Variants in SORCS2 observed in about 807,000 individuals in gnomAD.
The protein encoded by SORCS2 is VPS10 domain-containing receptor SorCS2.
SORCS2 carries 100 observed loss-of-function variants against 141.6 expected under a neutral mutation model. The ratio of observed to expected loss-of-function variants is 0.71; its 90% CI spans 0.60 to 0.83. SORCS2 has a LOEUF of 0.83. SORCS2 is among the 40% of genes least tolerant of loss of function. The pLI, the probability that SORCS2 is intolerant of heterozygous loss-of-function variation, is 0.00. For missense variants in SORCS2, 1,646 were observed against 1,560.2 expected, an observed-to-expected ratio of 1.05 and a Z score of -0.93; for synonymous variants, 789 against 676.9, an observed-to-expected ratio of 1.17 and a Z score of -2.57.
chr4:7,314,896 A>C (rs928885282), intron 1 of SORCS2, among the ~76,000 whole-genome samples: 1 of 147,742 alleles, frequency 6.8e-6, no homozygotes, highest in Non-Finnish European at 1.5e-5. Flanking sequence ...CAGTGGTGCA[A>C]TCTTGACTCA....
At chr4:7,719,126 G>A (rs1726402730) in intron 18 of SORCS2, among the ~76,000 whole-genome samples, 2 of 152,264 alleles carry the variant, frequency 1.3e-5, no homozygotes, top group Non-Finnish European at 1.5e-5. Context: ...CCGGTGAACA[G>A]TACGGGAGAT....
intron 9 of SORCS2, among the ~76,000 whole-genome samples, chr4:7,676,647 C>T (rs1236951731): frequency 6.6e-6 from 1 of 151,786 alleles, no homozygotes; most frequent in African/African-American, 2.4e-5. Flanking sequence ...CTCCCTCTCT[C>T]CCTCTCTCTC....
intron 3 of SORCS2, among the ~76,000 whole-genome samples, chr4:7,553,278 A>G (rs1713854519): frequency 6.6e-6 from 1 of 152,148 alleles, no homozygotes; most frequent in Non-Finnish European, 1.5e-5. Context: ...GCCAATCCTC[A>G]TATTCTGATT....
chr4:7,703,792 C>T (rs541629027), intron 13 of SORCS2, among the ~76,000 whole-genome samples: 33 of 152,308 alleles, frequency 2.2e-4, no homozygotes, highest in Non-Finnish European at 4.0e-4. Context: ...AAGGCACAGC[C>T]GGAGCAGCTG....
At chr4:7,435,041 C>T (rs985951232) in intron 2 of SORCS2, 22 of 829,546 alleles carry the variant, frequency 2.7e-5, no homozygotes, top group African/African-American at 2.6e-4. Context: ...CTGGCCTCTT[C>T]GCCTTTGCTC....
At chr4:7,715,123 C>T (rs972294383) in intron 16 of SORCS2, 60 bp from the exon 17 acceptor site, 1 of 1,598,364 alleles carries the variant, frequency 6.3e-7, no homozygotes, top group East Asian at 2.2e-5. Flanking sequence ...CACCCCAACC[C>T]TGGGTGACTC....
chr4:7,711,163 G>A (rs574254856), intron 14 of SORCS2, among the ~76,000 whole-genome samples: 4 of 152,166 alleles, frequency 2.6e-5, no homozygotes, highest in Non-Finnish European at 5.9e-5. Context: ...AGACAATAGT[G>A]TCTGCCTCTT....
At chr4:7,713,483 G>A (rs956879699) in intron 15 of SORCS2, among the ~76,000 whole-genome samples, 1 of 152,144 alleles carries the variant, frequency 6.6e-6, no homozygotes, top group South Asian at 2.1e-4. Context: ...AGACCATCAC[G>A]GTGGGTACAG....
At chr4:7,222,658 G>T (rs562874466) in intron 1 of SORCS2, among the ~76,000 whole-genome samples, 5 of 152,320 alleles carry the variant, frequency 3.3e-5, no homozygotes, top group African/African-American at 2.4e-5. Flanking sequence ...TGCGGCCGGG[G>T]CAGAGGGCTG....
chr4:7,536,313 G>A (rs752842292), intron 3 of SORCS2, among the ~76,000 whole-genome samples: 33 of 152,192 alleles, frequency 2.2e-4, no homozygotes, highest in Non-Finnish European at 4.1e-4. Context: ...CTAGAATCAA[G>A]CCCGGCACAC....
intron 1 of SORCS2, among the ~76,000 whole-genome samples, chr4:7,394,152 T>C (rs114533764): frequency 0.016 from 2,471 of 152,260 alleles, 66 homozygotes; most frequent in African/African-American, 0.057. Flanking sequence ...GGGGGTCCTC[T>C]TGATGGAAGG....
At chr4:7,295,290 C>T (rs1716970780) in intron 1 of SORCS2, among the ~76,000 whole-genome samples, 1 of 148,182 alleles carries the variant, frequency 6.7e-6, no homozygotes, top group South Asian at 2.2e-4. Flanking sequence ...TGCACAGCAG[C>T]CCCTCTGAGC....
chr4:7,738,211 T>C (rs1712355444), intron 26 of SORCS2, among the ~76,000 whole-genome samples: 1 of 152,212 alleles, frequency 6.6e-6, no homozygotes, highest in African/African-American at 2.4e-5. Flanking sequence ...CCCAGGAGGC[T>C]CTGAGACTTG....
At chr4:7,220,736 C>A (rs1216449505) in intron 1 of SORCS2, among the ~76,000 whole-genome samples, 2 of 152,266 alleles carry the variant, frequency 1.3e-5, no homozygotes, top group East Asian at 3.9e-4. Context: ...GTGGCCTCTC[C>A]AGGTGCGTCC....
chr4:7,575,693 G>C (rs527407333), intron 3 of SORCS2, among the ~76,000 whole-genome samples: 1 of 152,194 alleles, frequency 6.6e-6, no homozygotes, highest in East Asian at 1.9e-4. Flanking sequence ...GCTGGGAGCC[G>C]CTGGACTGGA....
chr4:7,532,969 C>T (rs150536300), intron 3 of SORCS2, among the ~76,000 whole-genome samples: 9 of 152,086 alleles, frequency 5.9e-5, no homozygotes, highest in African/African-American at 1.4e-4. Context: ...GGCCATGTCT[C>T]GGCGTGTAGG....
chr4:7,247,969 C>A lies in SORCS2; in HGVS notation c.480+54843C>A, dbSNP rs35713667. On this transcript the variant is annotated intron_variant, in intron 1 of 26. Coordinates refer to ENST00000507866, the MANE Select transcript of SORCS2 (RefSeq NM_020777.3). ...CCCAAACTCCTTACTCCATGTATGA[C>A]AGGAAGAGTCCCTCTGGGGAAGGGA... Among the ~76,000 whole-genome samples, 1,142 of 152,340 alleles carry A rather than the reference C, an allele frequency of 7.5e-3. 12 individuals are homozygous for A. Among genetic ancestry groups the A allele is most frequent in the African/African-American group, 0.026 (1,079 of 41,578 alleles).
At chr4:7,311,983 C>T (rs927052327) in intron 1 of SORCS2, among the ~76,000 whole-genome samples, 2 of 152,228 alleles carry the variant, frequency 1.3e-5, no homozygotes, top group South Asian at 4.1e-4. Flanking sequence ...TCAAGTGATT[C>T]TCCTACCTCA....
intron 3 of SORCS2, among the ~76,000 whole-genome samples, chr4:7,581,543 C>G (rs1716144902): frequency 6.6e-6 from 1 of 152,136 alleles, no homozygotes; most frequent in Non-Finnish European, 1.5e-5. Flanking sequence ...GAGGAGGAGC[C>G]CCCGTTGTGA....
Sources: allele counts gnomAD v4.1 joint callset (sites outside exome capture counted in the v4.1 genomes callset), GRCh38; gene constraint gnomAD v4.1.1; transcripts MANE v1.5; gene names NCBI Gene and HGNC (gene_info 2026-07-23, HGNC 2026-07-21).